The following EPS15 variants were observed in gnomAD, a reference collection of about 807,000 sequenced individuals.
EPS15 encodes the protein epidermal growth factor receptor substrate 15.
A neutral mutation model predicts 113.8 loss-of-function variants in EPS15; 72 were observed. The ratio of observed to expected loss-of-function variants is 0.63; its 90% CI spans 0.52 to 0.77. The LOEUF (loss-of-function observed/expected upper bound fraction) is 0.77, where lower values mean the gene tolerates loss of function less well. Ranked by LOEUF, EPS15 falls within the 30% of genes least tolerant of loss-of-function variation. The probability of loss-of-function intolerance (pLI) is 0.00; values close to 1 mark genes in which losing one functional copy is unlikely to be tolerated. For synonymous variants in EPS15, 344 were observed against 363.4 expected, an observed-to-expected ratio of 0.95 and a Z score of 0.61; for missense variants, 1,048 against 1,045.8, an observed-to-expected ratio of 1.00 and a Z score of -0.03.
intron 8 of EPS15, among the ~76,000 whole-genome samples, chr1:51,451,762 G>T (rs1392384092): frequency 6.7e-6 from 1 of 149,176 alleles, no homozygotes; most frequent in Non-Finnish European, 1.5e-5. Flanking sequence ...AGCATTCAAG[G>T]TACCTTCAAC....
intron 24 of EPS15, among the ~76,000 whole-genome samples, chr1:51,357,392 ATAT>A (rs1356807554): frequency 1.6e-3 from 97 of 59,070 alleles, no homozygotes; most frequent in Admixed American, 5.2e-3. Flanking sequence ...AAAAAAAAAA[ATAT>A]ATATATATAT....
intron 7 of EPS15, among the ~76,000 whole-genome samples, chr1:51,462,945 C>G (rs570306445): frequency 2.8e-5 from 4 of 141,168 alleles, no homozygotes; most frequent in Admixed American, 2.3e-4. Flanking sequence ...GGTGCGATCT[C>G]GGCTCACTGC....
Position 51,356,600 on chromosome 1 carries a change from T to C in EPS15, c.*100A>G. Reference sequence around the variant, plus strand: ...ACATTTACAGGAATCTCAAACCTTTTGTATTCCCATGCTCACAGGTAGTTT... The same window carrying C: ...ACATTTACAGGAATCTCAAACCTTTCGTATTCCCATGCTCACAGGTAGTTT... On this transcript the variant is annotated 3_prime_UTR_variant, in exon 25 of 25. Transcript: ENST00000371733. 9.9e-7 allele frequency: 1 copy of C among 1,013,530 alleles called. No individual in the cohort carries two copies. Among genetic ancestry groups the C allele is most frequent in the Non-Finnish European group, 1.4e-6 (1 of 720,644 alleles). The allele number at this position is 1,013,530 out of a possible 1,614,324, so 62.8% of individuals were successfully genotyped here.
At chr1:51,440,104 T>A (rs1326852287) in intron 12 of EPS15, among the ~76,000 whole-genome samples, 1 of 152,036 alleles carries the variant, frequency 6.6e-6, no homozygotes, top group African/African-American at 2.4e-5. Flanking sequence ...CAGTGGTACA[T>A]AAGTAAACAG....
chr1:51,397,640 T>C (rs1469827215), intron 20 of EPS15, among the ~76,000 whole-genome samples: 2 of 152,174 alleles, frequency 1.3e-5, no homozygotes, highest in African/African-American at 4.8e-5. Flanking sequence ...ACGAAAAATA[T>C]TCAGTCACGA....
intron 2 of EPS15, among the ~76,000 whole-genome samples, chr1:51,475,388 G>A (rs1425745702): frequency 6.6e-6 from 1 of 152,132 alleles, no homozygotes; most frequent in Non-Finnish European, 1.5e-5. Context: ...GTGTGAGATG[G>A]TATCTCACTG....
At chr1:51,404,371 C>A (rs1376868830) in intron 16 of EPS15, among the ~76,000 whole-genome samples, 1 of 149,880 alleles carries the variant, frequency 6.7e-6, no homozygotes. Context: ...GAGCGAGACT[C>A]CGTCTCAAAA....
rs1644441901 is a variant in EPS15, at chr1:51,503,187, A to G, written c.33+16012T>C. On this transcript the variant is annotated intron_variant, in intron 1 of 24. Transcript: ENST00000371733. ...ACATCCCACGTTCATAGATCAGAAG[A>G]CCTTGTTAAGATAATACTCCCCAAA... Among the ~76,000 whole-genome samples, 2 of 152,178 alleles carry G rather than the reference A, an allele frequency of 1.3e-5. 1 individual carries two copies. Among genetic ancestry groups the G allele is most frequent in the Non-Finnish European group, 2.9e-5 (2 of 68,036 alleles).
chr1:51,412,164 G>T (rs565632322), intron 13 of EPS15, among the ~76,000 whole-genome samples: 2 of 152,108 alleles, frequency 1.3e-5, no homozygotes, highest in Admixed American at 6.6e-5. Flanking sequence ...CAATGAGAAC[G>T]CATGGACACA....
At chr1:51,492,727 AC>A (rs1644256983) in intron 1 of EPS15, among the ~76,000 whole-genome samples, 1 of 152,186 alleles carries the variant, frequency 6.6e-6, no homozygotes, top group Non-Finnish European at 1.5e-5. Flanking sequence ...AACAAAAAAA[AC>A]AGATCAGTGG....
chr1:51,437,499 T>TAA (rs1404155160), intron 12 of EPS15, among the ~76,000 whole-genome samples: 1 of 150,896 alleles, frequency 6.6e-6, no homozygotes, highest in African/African-American at 2.4e-5. Context: ...AAAATTTTTT[T>TAA]TTTTTTTTTT....
chr1:51,355,064 G>A lies in EPS15; in HGVS notation c.*1636C>T, dbSNP rs1646189783. 3 of 221,900 alleles carry A rather than the reference G, an allele frequency of 1.4e-5. No individual in the cohort carries two copies. The highest frequency in any genetic ancestry group is 6.7e-5 in the African/African-American group (3 of 44,666). The allele number at this position is 221,900 out of a possible 1,614,324, so 13.7% of individuals were successfully genotyped here. A position where few individuals can be genotyped will look rare whatever the true frequency, so the allele number is the denominator to read the frequency against. ...TTCGTTTATCAAAATTAAGCCTTGT[G>A]ATTATGATTCAGCCCTTGCTTCATA... On this transcript the variant is annotated 3_prime_UTR_variant, in exon 25 of 25. Coordinates refer to ENST00000371733, the MANE Select transcript of EPS15 (RefSeq NM_001981.3).
At chr1:51,471,541 T>A in intron 4 of EPS15, 149 bp downstream of exon 4, 1 of 636,478 alleles carries the variant, frequency 1.6e-6, no homozygotes, top group South Asian at 2.0e-5. Context: ...CATCTAGTGA[T>A]TGGAAATACT....
intron 1 of EPS15, among the ~76,000 whole-genome samples, chr1:51,501,205 G>C (rs982832890): frequency 2.0e-5 from 3 of 150,648 alleles, no homozygotes; most frequent in Admixed American, 2.0e-4. Context: ...TTCAGGAGTG[G>C]GAGACCAGCC....
rs958206439 is a variant in EPS15, at chr1:51,493,358, C to G, written c.34-12044G>C. Among the ~76,000 whole-genome samples, 3 of 139,354 alleles carry G rather than the reference C, an allele frequency of 2.2e-5. No homozygotes were observed. In the East Asian group the frequency reaches 6.6e-4, roughly 31 times the overall value. 91.4% of individuals were successfully genotyped at this position (139,354 alleles called of 152,430 possible). A position where few individuals can be genotyped will look rare whatever the true frequency, so the allele number is the denominator to read the frequency against. ...CCTGGATGACAGAGCGAGACTCCAT[C>G]CTCCAAAAAAATAAAAATTAGCCAG... On this transcript the variant is annotated intron_variant, in intron 1 of 24. Transcript: ENST00000371733.
At chr1:51,420,882 C>A (rs962530603) in intron 13 of EPS15, among the ~76,000 whole-genome samples, 1 of 152,118 alleles carries the variant, frequency 6.6e-6, no homozygotes, top group Non-Finnish European at 1.5e-5. Flanking sequence ...GGGCCTAACA[C>A]AATTTAGAGT....
At chr1:51,424,652 C>G (rs1651049949) in intron 12 of EPS15, among the ~76,000 whole-genome samples, 1 of 152,062 alleles carries the variant, frequency 6.6e-6, no homozygotes, top group African/African-American at 2.4e-5. Flanking sequence ...ACCTGTAATT[C>G]CAGCACTTTG....
chr1:51,427,735 G>A (rs1651349104), intron 12 of EPS15, among the ~76,000 whole-genome samples: 1 of 152,164 alleles, frequency 6.6e-6, no homozygotes, highest in Admixed American at 6.6e-5. Context: ...AAGCCTTGAA[G>A]GAAAGAGTAA....
At chr1:51,425,359 G>A (rs1049253815) in intron 12 of EPS15, among the ~76,000 whole-genome samples, 2 of 152,178 alleles carry the variant, frequency 1.3e-5, no homozygotes, top group Non-Finnish European at 2.9e-5. Context: ...CTATGTACAG[G>A]CAGTAGGGTG....
Sources: gnomAD v4.1 joint callset for allele counts (sites outside exome capture counted in the v4.1 genomes callset) on GRCh38, gnomAD v4.1.1 for gene constraint, MANE v1.5 for transcripts, NCBI Gene and HGNC (gene_info 2026-07-23, HGNC 2026-07-21) for gene names.